Variants in ATP5MG observed in about 807,000 individuals in gnomAD.
ATP5MG encodes the protein ATP synthase membrane subunit g.
In ATP5MG, 7 loss-of-function variants were observed where a neutral mutation model predicts 12.7. The ratio of observed to expected loss-of-function variants is 0.55; its 90% CI spans 0.31 to 1.04. ATP5MG has a LOEUF of 1.04. ATP5MG is among the 50% of genes least tolerant of loss of function. ATP5MG has a pLI of 0.05. For synonymous variants in ATP5MG, 53 were observed against 48.2 expected (o/e 1.10, Z -0.41); for missense variants, 116 against 126.7 (o/e 0.92, Z 0.41).
At position 118,407,092 on chromosome 11, in the gene ATP5MG, G is replaced by GT. The variant is rs782202197; in HGVS notation, c.210dup (p.Lys71Ter). On this transcript the variant is annotated frameshift_variant, in exon 2 of 3. Coordinates refer to ENST00000300688, the MANE Select transcript of ATP5MG (RefSeq NM_006476.5). LOFTEE classifies it high-confidence loss of function. ...GACTGGTAGCTTCAAACAGCTCACAGTTAAGGTAACCACGGGCTAAATGAA... is the reference window on the plus strand; with the variant it reads ...GACTGGTAGCTTCAAACAGCTCACAGTTTAAGGTAACCACGGGCTAAATGAA... The GT allele has an allele frequency of 2.5e-6, 4 of 1,614,040 alleles. No homozygotes were observed. The highest frequency in any genetic ancestry group is 3.4e-6 in the Non-Finnish European group (4 of 1,180,008).
At chr11:118,405,079 A>G (rs2134126873) in intron 1 of ATP5MG, among the ~76,000 whole-genome samples, 1 of 152,308 alleles carries the variant, frequency 6.6e-6, no homozygotes, top group African/African-American at 2.4e-5. Flanking sequence ...CCCTAGAATC[A>G]GCCATTTCTC....
chr11:118,402,271 C>T (rs1948934533), intron 1 of ATP5MG, among the ~76,000 whole-genome samples: 1 of 152,130 alleles, frequency 6.6e-6, no homozygotes, highest in Non-Finnish European at 1.5e-5. Context: ...AAATGGACTT[C>T]ATGGATGAGT....
At chr11:118,401,966 T>G in intron 1 of ATP5MG, 1 of 471,684 alleles carries the variant, frequency 2.1e-6, no homozygotes, top group Non-Finnish European at 3.7e-6. Flanking sequence ...GGAAGAGAGG[T>G]AGTGTGAAGG....
At chr11:118,405,920 TG>T (rs1555132016) in intron 1 of ATP5MG, among the ~76,000 whole-genome samples, 1 of 152,222 alleles carries the variant, frequency 6.6e-6, no homozygotes, top group East Asian at 1.9e-4. Context: ...TGGAATGTCA[TG>T]GTGAGATCTT....
intron 1 of ATP5MG, chr11:118,405,606 T>C (rs923940766): frequency 1.8e-5 from 17 of 950,256 alleles, no homozygotes; most frequent in Middle Eastern, 5.4e-4. Context: ...ATATTGACAA[T>C]TGATTGACTT....
chr11:118,401,996 A>C, intron 1 of ATP5MG: 1 of 434,804 alleles, frequency 2.3e-6, no homozygotes, highest in Non-Finnish European at 4.1e-6. Context: ...GTTGCCCGGC[A>C]GCTGCAACCA....
chr11:118,408,949 A>T (rs913293691), intron 2 of ATP5MG, 51 bp from the exon 3 acceptor site: 3 of 456,668 alleles, frequency 6.6e-6, no homozygotes, highest in Non-Finnish European at 1.0e-5. Context: ...ATATATATAT[A>T]ATTATATATA....
chr11:118,408,966 A>C, intron 2 of ATP5MG, 34 bp from the exon 3 acceptor site: 1 of 853,256 alleles, frequency 1.2e-6, no homozygotes, highest in Non-Finnish European at 1.8e-6. Context: ...TATATATATA[A>C]AAGGTACCTT....
intron 1 of ATP5MG, 145 bp downstream of exon 1, chr11:118,401,862 C>G (rs891803438): frequency 1.0e-6 from 1 of 960,658 alleles, no homozygotes; most frequent in African/African-American, 1.7e-5. Flanking sequence ...GAGCAGGAAG[C>G]AGGTTGGCGA....
intron 1 of ATP5MG, among the ~76,000 whole-genome samples, chr11:118,402,512 T>C (rs1948936595): frequency 1.3e-5 from 2 of 152,152 alleles, no homozygotes; most frequent in Admixed American, 1.3e-4. Context: ...TGAGATAAGC[T>C]AAATTGACGT....
intron 1 of ATP5MG, among the ~76,000 whole-genome samples, chr11:118,405,068 G>A (rs1335976689): frequency 6.6e-6 from 1 of 152,140 alleles, no homozygotes; most frequent in African/African-American, 2.4e-5. Flanking sequence ...CCCTGTCCCA[G>A]CCCTAGAATC....
At position 118,401,830 on chromosome 11, in the gene ATP5MG, C is replaced by CGG. The variant is rs1948930040; in HGVS notation, c.52+115_52+116dup. 1.8e-5 allele frequency: 23 copies of CGG among 1,306,436 alleles called. No homozygotes were observed. The South Asian group carries it at 3.3e-4, about 19-fold the overall frequency. The allele number at this position is 1,306,436 out of a possible 1,614,324, so 80.9% of individuals were successfully genotyped here. A position where few individuals can be genotyped will look rare whatever the true frequency, so the allele number is the denominator to read the frequency against. ...CCCGAGGGGCCTGCGGGTGCCGGGG[C>CGG]GGGATGGCCTGCAGGTGGAGGGAGC... On this transcript the variant is annotated intron_variant, in intron 1 of 2. Transcript: ENST00000300688.
rs59342571 is a variant in ATP5MG, at chr11:118,405,779, T to C, written c.53-1158T>C. ...TCAGAAATACTCAAATGGAGGCCGT[T>C]AATATGAGGAAAACACCAAGAGCCT... On this transcript the variant is annotated intron_variant, in intron 1 of 2. Transcript: ENST00000300688. 377 of 896,140 alleles carry C rather than the reference T, an allele frequency of 4.2e-4. 1 individual carries two copies. The African/African-American group carries it at 6.5e-3, about 15-fold the overall frequency. 55.5% of individuals were successfully genotyped at this position (896,140 alleles called of 1,614,324 possible). A position where few individuals can be genotyped will look rare whatever the true frequency, so the allele number is the denominator to read the frequency against.
intron 1 of ATP5MG, 198 bp from the exon 2 acceptor site, chr11:118,406,739 G>T: frequency 1.4e-6 from 1 of 701,742 alleles, no homozygotes; most frequent in Non-Finnish European, 2.3e-6. Flanking sequence ...CATCCCTGTG[G>T]CACAGGTGTT....
chr11:118,409,017 T>G lies in ATP5MG; in HGVS notation c.231T>G (p.Gly77=), dbSNP rs1948995365. ...TTTTTCAGGAAGCTGTGCTGAATGG[T>G]TTGGTGGCCACTGAGGTGTTGATGT... The part of the protein sequence containing the change: ...QLTVKEAVLN[G]LVATEVLMWF... Residue 77 remains glycine (G), a synonymous_variant, in exon 3 of 3, where the codon GGT becomes GGG. Transcript: ENST00000300688. 1 of 1,599,648 alleles carries G rather than the reference T, an allele frequency of 6.3e-7. No individual in the cohort carries two copies. Among genetic ancestry groups the G allele is most frequent in the Admixed American group, 1.7e-5 (1 of 58,352 alleles).
intron 1 of ATP5MG, 69 bp from the exon 2 acceptor site, chr11:118,406,868 C>A: frequency 6.5e-7 from 1 of 1,535,332 alleles, no homozygotes; most frequent in Middle Eastern, 2.0e-4. Context: ...GTCCAGCCCA[C>A]ACATCTGCTT....
intron 2 of ATP5MG, chr11:118,407,325 C>CA (rs145942317): frequency 1.7e-6 from 1 of 599,180 alleles, no homozygotes; most frequent in Non-Finnish European, 2.6e-6. Context: ...TTAAACCTAG[C>CA]AAAAAAGTGA....
At position 118,401,613 on chromosome 11, in the gene ATP5MG, G is replaced by A; in HGVS notation, c.-53G>A. 1 of 1,610,724 alleles carries A rather than the reference G, an allele frequency of 6.2e-7. No homozygotes were observed. The highest frequency in any genetic ancestry group is 1.7e-5 in the Admixed American group (1 of 59,978). ...CGGGGTCCTGCAGCGGGTCCTTCCG[G>A]CGGGTGACATTCAGCCGGCGGTTCG... On this transcript the variant is annotated 5_prime_UTR_variant, in exon 1 of 3. Transcript: ENST00000300688.
intron 2 of ATP5MG, among the ~76,000 whole-genome samples, chr11:118,407,659 G>A (rs2134129060): frequency 6.6e-6 from 1 of 152,192 alleles, no homozygotes; most frequent in Middle Eastern, 3.4e-3. Flanking sequence ...CTTGAGGCCA[G>A]AAGTTCAAGA....
Sources: allele counts gnomAD v4.1 joint callset (sites outside exome capture counted in the v4.1 genomes callset), GRCh38; gene constraint gnomAD v4.1.1; transcripts MANE v1.5; gene names NCBI Gene and HGNC (gene_info 2026-07-23, HGNC 2026-07-21).